Variants in SOX5 observed in about 807,000 individuals in gnomAD.
The protein encoded by SOX5 is SRY-box transcription factor 5.
A neutral mutation model predicts 92.0 loss-of-function variants in SOX5; 9 were observed. The observed-to-expected ratio is 0.10, with a 90% CI of 0.06 to 0.17. The LOEUF (loss-of-function observed/expected upper bound fraction) is 0.17, where lower values mean the gene tolerates loss of function less well. Ranked by LOEUF, SOX5 falls within the 10% of genes least tolerant of loss-of-function variation. The pLI is 1.00. For missense variants in SOX5, 642 were observed against 944.5 expected (o/e 0.68, Z 4.20); for synonymous variants, 344 against 336.3 (o/e 1.02, Z -0.25).
intron 6 of SOX5, among the ~76,000 whole-genome samples, chr12:23,706,468 T>G (rs1399573126): frequency 6.6e-6 from 1 of 152,062 alleles, no homozygotes; most frequent in Non-Finnish European, 1.5e-5. Flanking sequence ...CATGGTCTCA[T>G]GAAGTTTACA....
intron 1 of SOX5, among the ~76,000 whole-genome samples, chr12:24,495,982 C>A (rs1003678539): frequency 1.3e-5 from 2 of 152,110 alleles, no homozygotes; most frequent in African/African-American, 4.8e-5. Context: ...GAAGTGATTC[C>A]ATGACTTTAT....
chr12:23,540,953 A>ATATT (rs1300871739), intron 13 of SOX5, among the ~76,000 whole-genome samples: 1 of 152,042 alleles, frequency 6.6e-6, no homozygotes, highest in African/African-American at 2.4e-5. Flanking sequence ...GATCTTGTGG[A>ATATT]TATTTGAAGA....
chr12:23,907,549 T>G (rs751344931), intron 1 of SOX5, among the ~76,000 whole-genome samples: 1 of 152,194 alleles, frequency 6.6e-6, no homozygotes, highest in Non-Finnish European at 1.5e-5. Flanking sequence ...ACAATTAGTA[T>G]TACTAATTTC....
intron 1 of SOX5, among the ~76,000 whole-genome samples, chr12:23,941,717 T>C (rs776683040): frequency 3.2e-4 from 48 of 151,640 alleles, no homozygotes; most frequent in Non-Finnish European, 5.3e-4. Flanking sequence ...TCACTCAAGA[T>C]CAAAGTTGAA....
At chr12:24,232,342 T>C (rs114667797) in intron 3 of SOX5, among the ~76,000 whole-genome samples, 2,622 of 152,306 alleles carry the variant, frequency 0.017, 90 homozygotes, top group African/African-American at 0.059. Flanking sequence ...TAACAAGAGT[T>C]CTATAGGTAG....
rs144622289 is a variant in SOX5 at position 23,602,155 on chromosome 12, GC to G, written c.1164+2231del. Reference sequence around the variant, plus strand: ...TATTTTTAAATAATGTATAATCATGGCTATAGAAACACAATCTACTTTTTCA... The same window carrying G: ...TATTTTTAAATAATGTATAATCATGGTATAGAAACACAATCTACTTTTTCA... On this transcript the variant is annotated intron_variant, in intron 9 of 14. Transcript: ENST00000451604. Among the ~76,000 whole-genome samples, 687 of 152,170 alleles carry G rather than the reference GC, an allele frequency of 4.5e-3. 1 individual carries two copies. Among genetic ancestry groups the G allele is most frequent in the African/African-American group, 0.016 (652 of 41,536 alleles).
rs1318077012 is a variant in SOX5, at chr12:23,960,482, T to TATATATATTTATATAC, written c.-1-64474_-1-64459dup. The stretch of plus-strand genomic sequence containing the variant: ...ATCCATGTTTTATATATATATGTTT[T>TATATATATTTATATAC]ATATATATTTATATACATATATATT... On this transcript the variant is annotated intron_variant, in intron 4 of 4. Coordinates refer to the SOX5 transcript ENST00000446891. Among the ~76,000 whole-genome samples, 9 of 138,252 alleles carry TATATATATTTATATAC rather than the reference T, an allele frequency of 6.5e-5. No individual in the cohort carries two copies. In the South Asian group the frequency reaches 9.2e-4, roughly 14 times the overall value. The allele number at this position is 138,252 out of a possible 152,430, so 90.7% of individuals were successfully genotyped here. A position where few individuals can be genotyped will look rare whatever the true frequency, so the allele number is the denominator to read the frequency against.
chr12:23,932,895 A>C (rs1008577668), intron 1 of SOX5, among the ~76,000 whole-genome samples: 1 of 151,632 alleles, frequency 6.6e-6, no homozygotes, highest in Admixed American at 6.6e-5. Flanking sequence ...TTTTGAAGAT[A>C]AGTGTTACTT....
At chr12:24,259,340 C>A (rs1276199582) in intron 3 of SOX5, among the ~76,000 whole-genome samples, 1 of 152,136 alleles carries the variant, frequency 6.6e-6, no homozygotes, top group Non-Finnish European at 1.5e-5. Flanking sequence ...TAAGAAAAAC[C>A]TATTTATACA....
chr12:23,709,833 C>T (rs1167192570), intron 6 of SOX5, among the ~76,000 whole-genome samples: 1 of 152,044 alleles, frequency 6.6e-6, no homozygotes, highest in African/African-American at 2.4e-5. Context: ...AATATTTTAG[C>T]TTTAAGGTTG....
At chr12:23,937,872 A>G (rs556430041) in intron 1 of SOX5, among the ~76,000 whole-genome samples, 2 of 151,070 alleles carry the variant, frequency 1.3e-5, no homozygotes, top group South Asian at 4.1e-4. Context: ...AAGTAATACC[A>G]TTCTTAACGT....
At chr12:24,180,685 C>T (rs927705341) in intron 4 of SOX5, among the ~76,000 whole-genome samples, 2 of 152,158 alleles carry the variant, frequency 1.3e-5, no homozygotes, top group Admixed American at 6.5e-5. Flanking sequence ...TCAATTTAAG[C>T]TGCATAGAAA....
At chr12:23,538,790 C>T (rs1470379025) in intron 13 of SOX5, among the ~76,000 whole-genome samples, 1 of 137,254 alleles carries the variant, frequency 7.3e-6, no homozygotes, top group African/African-American at 2.7e-5. Context: ...AAAACGAAAC[C>T]AGCATTTTCT....
At position 23,886,529 on chromosome 12, in the gene SOX5, A is replaced by G. The variant is rs1595379759; in HGVS notation, c.270+9264T>C. ...AGAAATCAGGCACCAACATACTGCA[A>G]GATTTTTTTTTTTCTTTTTTGGATT... On this transcript the variant is annotated intron_variant, in intron 2 of 14. Coordinates refer to ENST00000451604, the MANE Select transcript of SOX5 (RefSeq NM_006940.6). 2.0e-5 allele frequency among the ~76,000 whole-genome samples: 3 copies of G among 151,900 alleles called. No homozygotes were observed. The East Asian group carries it at 5.8e-4, about 29-fold the overall frequency.
chr12:23,776,029 C>T (rs1014335383), intron 3 of SOX5, among the ~76,000 whole-genome samples: 2 of 152,098 alleles, frequency 1.3e-5, no homozygotes, highest in African/African-American at 2.4e-5. Context: ...TAATTAGACT[C>T]TCATAAGGAA....
chr12:24,218,455 C>T (rs765615781), intron 3 of SOX5, among the ~76,000 whole-genome samples: 19 of 152,164 alleles, frequency 1.2e-4, no homozygotes, highest in East Asian at 5.8e-4. Flanking sequence ...AGCAGATCAA[C>T]GGCTACCTAG....
chr12:24,065,463 A>G (rs1038919972), intron 4 of SOX5, among the ~76,000 whole-genome samples: 4 of 152,028 alleles, frequency 2.6e-5, no homozygotes, highest in African/African-American at 9.7e-5. Context: ...CCTGACTAAC[A>G]TGGTGAAACC....
chr12:24,179,514 A>C (rs1955228612), intron 4 of SOX5, among the ~76,000 whole-genome samples: 1 of 152,102 alleles, frequency 6.6e-6, no homozygotes. Context: ...AACAACTAAG[A>C]CTCTGCAATG....
chr12:23,582,291 G>T, intron 9 of SOX5: 1 of 984,994 alleles, frequency 1.0e-6, no homozygotes, highest in Non-Finnish European at 1.2e-6. Context: ...AGGTTTACTA[G>T]AAGAAACAAA....
Sources: gnomAD v4.1 joint callset for allele counts (sites outside exome capture counted in the v4.1 genomes callset) on GRCh38, gnomAD v4.1.1 for gene constraint, MANE v1.5 for transcripts, NCBI Gene and HGNC (gene_info 2026-07-23, HGNC 2026-07-21) for gene names.